The following OSBPL8 variants were observed in gnomAD, a reference collection of about 807,000 sequenced individuals.
The protein encoded by OSBPL8 is oxysterol-binding protein-related protein 8.
Under a neutral mutation model 125.5 loss-of-function variants are expected in OSBPL8, and 59 were observed. That is an observed-to-expected ratio of 0.47 (90% CI 0.38 to 0.58). OSBPL8 has a LOEUF of 0.58. Ranked by LOEUF, OSBPL8 falls within the 20% of genes least tolerant of loss-of-function variation. OSBPL8 has a pLI of 0.00. For missense variants in OSBPL8, 758 were observed against 1,047.8 expected (o/e 0.72, Z 3.82); for synonymous variants, 330 against 338.9 (o/e 0.97, Z 0.29).
intron 4 of OSBPL8, among the ~76,000 whole-genome samples, chr12:76,429,103 A>C (rs373944210): frequency 6.6e-6 from 1 of 152,094 alleles, no homozygotes; most frequent in South Asian, 2.1e-4. Flanking sequence ...ATTGCTGTAG[A>C]TTCTCCATTA....
chr12:76,386,364 C>A (rs1405633168), intron 13 of OSBPL8, 98 bp from the exon 14 acceptor site: 4 of 1,425,012 alleles, frequency 2.8e-6, no homozygotes, highest in Non-Finnish European at 3.7e-6. Flanking sequence ...CATCTGGGAA[C>A]CGTCCTTATA....
chr12:76,388,425 A>G (rs766283868), intron 12 of OSBPL8, among the ~76,000 whole-genome samples: 1 of 152,206 alleles, frequency 6.6e-6, no homozygotes, highest in Non-Finnish European at 1.5e-5. Context: ...GTGTAATGCC[A>G]GAAAAGTACA....
intron 1 of OSBPL8, among the ~76,000 whole-genome samples, chr12:76,499,350 C>CTATCTATCATCT (rs71082312): frequency 0.24 from 25,919 of 105,848 alleles, 2,530 homozygotes; most frequent in Middle Eastern, 0.27. Flanking sequence ...ATCTATCTAT[C>CTATCTATCATCT]ATCTATCTAT....
At chr12:76,379,745 C>G (rs1230314117) in intron 15 of OSBPL8, among the ~76,000 whole-genome samples, 1 of 152,096 alleles carries the variant, frequency 6.6e-6, no homozygotes, top group Non-Finnish European at 1.5e-5. Context: ...TGATTATTTC[C>G]TTACTAGTTG....
At chr12:76,559,155 G>A (rs367691213) in intron 1 of OSBPL8, among the ~76,000 whole-genome samples, 16 of 152,098 alleles carry the variant, frequency 1.1e-4, no homozygotes, top group African/African-American at 3.6e-4. Flanking sequence ...TCCCACCCCC[G>A]TTCCCCTGCC....
At chr12:76,419,043 C>G (rs1012583770) in intron 4 of OSBPL8, among the ~76,000 whole-genome samples, 50 of 152,218 alleles carry the variant, frequency 3.3e-4, no homozygotes, top group African/African-American at 1.2e-3. Flanking sequence ...TGAGACCAAC[C>G]TGGCTAACAT....
intron 10 of OSBPL8, 68 bp downstream of exon 10, chr12:76,392,513 C>A (rs1953605622): frequency 4.2e-6 from 6 of 1,441,214 alleles, no homozygotes; most frequent in Non-Finnish European, 5.7e-6. Context: ...AATTCTAGGC[C>A]TGCCAACTAA....
chr12:76,502,714 T>C (rs1880027988), intron 1 of OSBPL8, among the ~76,000 whole-genome samples: 1 of 152,162 alleles, frequency 6.6e-6, no homozygotes, highest in African/African-American at 2.4e-5. Flanking sequence ...AATGAAACTT[T>C]GGGTCATCCT....
Position 76,351,971 on chromosome 12 carries a change from T to C in OSBPL8, c.*3918A>G, listed in dbSNP as rs545870400. 1 of 152,352 alleles carries C rather than the reference T, an allele frequency of 6.6e-6. No individual in the cohort carries two copies. Among genetic ancestry groups the C allele is most frequent in the African/African-American group, 2.4e-5 (1 of 41,592 alleles). The allele number at this position is 152,352 out of a possible 1,614,324, so 9.4% of individuals were successfully genotyped here. A position where few individuals can be genotyped will look rare whatever the true frequency, so the allele number is the denominator to read the frequency against. On this transcript the variant is annotated 3_prime_UTR_variant, in exon 24 of 24. Coordinates refer to ENST00000261183, the MANE Select transcript of OSBPL8 (RefSeq NM_020841.5). ...CCTATAACTATCTGTACATTTACTG[T>C]GCACCTTAAGGAAAAGAATTTGACA...
chr12:76,467,900 C>A (rs1875659879), intron 2 of OSBPL8, among the ~76,000 whole-genome samples: 1 of 152,176 alleles, frequency 6.6e-6, no homozygotes, highest in African/African-American at 2.4e-5. Flanking sequence ...TAAGTGATCT[C>A]CAGTCTACCC....
chr12:76,448,852 A>C (rs1423778458), intron 4 of OSBPL8, among the ~76,000 whole-genome samples: 3 of 152,202 alleles, frequency 2.0e-5, no homozygotes, highest in African/African-American at 7.2e-5. Flanking sequence ...GTCTCTACTA[A>C]AAACACAAAA....
intron 21 of OSBPL8, among the ~76,000 whole-genome samples, chr12:76,365,653 T>A (rs1419459982): frequency 2.0e-5 from 3 of 152,138 alleles, no homozygotes; most frequent in Admixed American, 2.0e-4. Context: ...GTGGTGAAAG[T>A]GGGAATGTTT....
chr12:76,390,285 T>C lies in OSBPL8; in HGVS notation c.1167+135A>G, dbSNP rs890689645. ...TTTGTAAATCCCAATATATTTCATATGTATGCAATTTTTAAAATATCACAT... is the reference window on the plus strand; with the variant it reads ...TTTGTAAATCCCAATATATTTCATACGTATGCAATTTTTAAAATATCACAT... On this transcript the variant is annotated intron_variant, in intron 11 of 23. Transcript: ENST00000261183. 5.6e-5 allele frequency: 36 copies of C among 639,594 alleles called. 1 individual carries two copies. In the South Asian group the frequency reaches 6.4e-4, roughly 11 times the overall value. The allele number at this position is 639,594 out of a possible 1,614,324, so 39.6% of individuals were successfully genotyped here.
intron 1 of OSBPL8, among the ~76,000 whole-genome samples, chr12:76,546,601 T>C (rs1018026698): frequency 4.0e-5 from 6 of 151,866 alleles, no homozygotes; most frequent in East Asian, 3.9e-4. Flanking sequence ...ATTTCAGGGA[T>C]AGCAAAAAAA....
chr12:76,488,012 T>A (rs982532909), intron 1 of OSBPL8, among the ~76,000 whole-genome samples: 1 of 152,206 alleles, frequency 6.6e-6, no homozygotes, highest in Non-Finnish European at 1.5e-5. Context: ...TATGAGAATA[T>A]AAATCAGGAC....
chr12:76,479,803 G>A (rs1877251857), intron 2 of OSBPL8, among the ~76,000 whole-genome samples: 1 of 151,966 alleles, frequency 6.6e-6, no homozygotes, highest in Non-Finnish European at 1.5e-5. Flanking sequence ...AACAGATATC[G>A]GAGAGATTTA....
At chr12:76,366,592 G>GT (rs1171411754) in intron 21 of OSBPL8, 2 of 448,862 alleles carry the variant, frequency 4.5e-6, no homozygotes, top group South Asian at 3.2e-5. Context: ...TTTGGGTTTA[G>GT]TTTTTTCTTC....
intron 1 of OSBPL8, among the ~76,000 whole-genome samples, chr12:76,556,290 A>G (rs560611865): frequency 6.6e-6 from 1 of 152,346 alleles, no homozygotes; most frequent in African/African-American, 2.4e-5. Context: ...ATAACAGGGT[A>G]TAAGAATATG....
rs141006721 is a variant in OSBPL8 at position 76,449,436 on chromosome 12, A to C, written c.217+1415T>G. Among the ~76,000 whole-genome samples, 807 of 152,364 alleles carry C rather than the reference A, an allele frequency of 5.3e-3. 7 individuals are homozygous for C. The highest frequency in any genetic ancestry group is 0.019 in the African/African-American group (779 of 41,582). ...GATCTGCAAGGTGAAAACTAGTTTC[A>C]TAATACTTTTTCATTATGTTGCCAT... On this transcript the variant is annotated intron_variant, in intron 4 of 23. Transcript: ENST00000261183.
Sources: gnomAD v4.1 joint callset for allele counts (sites outside exome capture counted in the v4.1 genomes callset) on GRCh38, gnomAD v4.1.1 for gene constraint, MANE v1.5 for transcripts, NCBI Gene and HGNC (gene_info 2026-07-23, HGNC 2026-07-21) for gene names.